Variants in ASAP2 observed in about 807,000 individuals in gnomAD.
ASAP2 encodes arf-GAP with SH3 domain, ANK repeat and PH domain-containing protein 2.
ASAP2 carries 45 observed loss-of-function variants against 131.4 expected under a neutral mutation model. That is an observed-to-expected ratio of 0.34 (90% CI 0.27 to 0.44). ASAP2 has a LOEUF of 0.44. Among genes scored for constraint, ASAP2 ranks in the 20% least tolerant of loss-of-function variants. The probability of loss-of-function intolerance (pLI) is 1.00; values close to 1 mark genes in which losing one functional copy is unlikely to be tolerated. For synonymous variants in ASAP2, 510 were observed against 503.0 expected (o/e 1.01, Z -0.19); for missense variants, 1,011 against 1,297.0 (o/e 0.78, Z 3.39).
chr2:9,296,323 T>A (rs771648327), intron 2 of ASAP2, among the ~76,000 whole-genome samples: 13 of 152,196 alleles, frequency 8.5e-5, no homozygotes, highest in Non-Finnish European at 1.3e-4. Flanking sequence ...ATCACCTGTG[T>A]CCCCTCCCCC....
chr2:9,320,900 G>T (rs897382208), intron 5 of ASAP2, among the ~76,000 whole-genome samples: 3 of 152,170 alleles, frequency 2.0e-5, no homozygotes, highest in African/African-American at 7.2e-5. Flanking sequence ...TTCCTGACCC[G>T]AAGTCAACCA....
At chr2:9,249,931 G>A (rs572854313) in intron 1 of ASAP2, among the ~76,000 whole-genome samples, 39 of 152,206 alleles carry the variant, frequency 2.6e-4, no homozygotes, top group Non-Finnish European at 4.4e-4. Flanking sequence ...TTGGGCCACC[G>A]TCTCCTGCCC....
chr2:9,251,449 A>G (rs1023473219), intron 1 of ASAP2, among the ~76,000 whole-genome samples: 9 of 152,182 alleles, frequency 5.9e-5, no homozygotes, highest in African/African-American at 1.4e-4. Context: ...GGCGCAAAGC[A>G]TGTGGAGAAA....
chr2:9,304,493 G>T (rs1668698007), intron 3 of ASAP2, among the ~76,000 whole-genome samples: 1 of 146,328 alleles, frequency 6.8e-6, no homozygotes, highest in South Asian at 2.2e-4. Flanking sequence ...GGCTGTAGGG[G>T]GGGTGTAGAT....
At chr2:9,239,253 G>A (rs922706116) in intron 1 of ASAP2, among the ~76,000 whole-genome samples, 2 of 152,242 alleles carry the variant, frequency 1.3e-5, no homozygotes, top group Admixed American at 6.5e-5. Context: ...GAAGCCTTAT[G>A]TGTGGGGTAA....
chr2:9,273,890 A>T (rs1031027730), intron 1 of ASAP2, among the ~76,000 whole-genome samples: 3 of 152,216 alleles, frequency 2.0e-5, no homozygotes, highest in African/African-American at 7.2e-5. Flanking sequence ...CTAATTTATT[A>T]GTCCTGCAAA....
intron 1 of ASAP2, 140 bp from the exon 2 acceptor site, chr2:9,279,177 C>G: frequency 1.4e-6 from 1 of 731,652 alleles, no homozygotes; most frequent in Non-Finnish European, 2.4e-6. Flanking sequence ...GCCGAGGGAC[C>G]TGGCAGAGGA....
intron 11 of ASAP2, among the ~76,000 whole-genome samples, chr2:9,345,121 C>T (rs2148607850): frequency 6.6e-6 from 1 of 151,960 alleles, no homozygotes; most frequent in South Asian, 2.1e-4. Context: ...TATTTAGAAG[C>T]CTGTGACTCC....
intron 3 of ASAP2, among the ~76,000 whole-genome samples, chr2:9,306,877 AG>A (rs34061651): frequency 6.6e-6 from 1 of 152,108 alleles, no homozygotes; most frequent in East Asian, 1.9e-4. Flanking sequence ...TTGGTGCCCC[AG>A]GGGCCCTGGC....
chr2:9,377,149 G>C (rs539034299), intron 18 of ASAP2, among the ~76,000 whole-genome samples, 156 bp downstream of exon 18: 2 of 152,144 alleles, frequency 1.3e-5, no homozygotes, highest in Non-Finnish European at 2.9e-5. Context: ...CAGGTGTGAG[G>C]TACTCCATGG....
At chr2:9,302,003 T>G (rs150603755) in intron 3 of ASAP2, among the ~76,000 whole-genome samples, 2,375 of 151,696 alleles carry the variant, frequency 0.016, 64 homozygotes, top group African/African-American at 0.054. Flanking sequence ...TTTGGTATTT[T>G]TAGTAGAGAT....
At chr2:9,308,582 C>T (rs561554181) in intron 3 of ASAP2, among the ~76,000 whole-genome samples, 1 of 152,302 alleles carries the variant, frequency 6.6e-6, no homozygotes, top group East Asian at 1.9e-4. Flanking sequence ...GAGACAGCAT[C>T]TAGGATGGCA....
At chr2:9,257,878 C>T (rs1665277781) in intron 1 of ASAP2, among the ~76,000 whole-genome samples, 2 of 152,152 alleles carry the variant, frequency 1.3e-5, no homozygotes, top group Non-Finnish European at 2.9e-5. Flanking sequence ...TTTGGTTTAT[C>T]CTTACCTATG....
chr2:9,340,468 T>C (rs939465386), intron 9 of ASAP2, among the ~76,000 whole-genome samples: 4 of 152,174 alleles, frequency 2.6e-5, no homozygotes, highest in Admixed American at 2.0e-4. Flanking sequence ...CCTTAAATAA[T>C]GGAGAATAGG....
At chr2:9,387,847 A>G (rs1223691034) in intron 21 of ASAP2, among the ~76,000 whole-genome samples, 1 of 152,210 alleles carries the variant, frequency 6.6e-6, no homozygotes, top group East Asian at 1.9e-4. Flanking sequence ...TGGCTGGGAA[A>G]CATACAATCA....
At chr2:9,252,101 A>C (rs2148139164) in intron 1 of ASAP2, among the ~76,000 whole-genome samples, 1 of 152,336 alleles carries the variant, frequency 6.6e-6, no homozygotes, top group African/African-American at 2.4e-5. Flanking sequence ...TTCGTGTCAC[A>C]AAAGCCGTTA....
At chr2:9,363,451 T>G (rs1477684476) in intron 15 of ASAP2, among the ~76,000 whole-genome samples, 1 of 152,236 alleles carries the variant, frequency 6.6e-6, no homozygotes, top group Non-Finnish European at 1.5e-5. Context: ...ACACTTGCTA[T>G]CTTTTGTCTT....
intron 1 of ASAP2, among the ~76,000 whole-genome samples, chr2:9,221,323 CTTTTTTT>C (rs35784307): frequency 7.6e-6 from 1 of 132,016 alleles, no homozygotes; most frequent in Non-Finnish European, 1.6e-5. Context: ...CTTTTCTTTT[CTTTTTTT>C]TTTTTTTTTG....
chr2:9,326,908 A>G lies in ASAP2; in HGVS notation c.601-918A>G, dbSNP rs1213040222. Among the ~76,000 whole-genome samples the G allele has an allele frequency of 2.0e-5, 3 of 152,228 alleles. No individual in the cohort carries two copies. The East Asian group carries it at 5.8e-4, about 29-fold the overall frequency. On this transcript the variant is annotated intron_variant, in intron 6 of 27. Transcript: ENST00000281419. ...ACTTTTGTGGTTATCTTCTTAGAATAAATTCCTGGGAGTAGAATTTCTAGG... is the reference window on the plus strand; with the variant it reads ...ACTTTTGTGGTTATCTTCTTAGAATGAATTCCTGGGAGTAGAATTTCTAGG...
Sources: allele counts gnomAD v4.1 joint callset (sites outside exome capture counted in the v4.1 genomes callset), GRCh38; gene constraint gnomAD v4.1.1; transcripts MANE v1.5; gene names NCBI Gene and HGNC (gene_info 2026-07-23, HGNC 2026-07-21).